Variants in NUP214 observed in about 807,000 individuals in gnomAD.
NUP214 encodes nucleoporin 214, also known as nuclear pore complex protein Nup214.
A neutral mutation model predicts 196.2 loss-of-function variants in NUP214; 79 were observed. The ratio of observed to expected loss-of-function variants is 0.40; its 90% CI spans 0.34 to 0.49. NUP214 has a LOEUF of 0.49. NUP214 is among the 20% of genes least tolerant of loss of function. The pLI, the probability that NUP214 is intolerant of heterozygous loss-of-function variation, is 0.58. For synonymous variants in NUP214, 1,020 were observed against 990.5 expected, an observed-to-expected ratio of 1.03 and a Z score of -0.56; for missense variants, 2,468 against 2,539.0, an observed-to-expected ratio of 0.97 and a Z score of 0.60.
intron 18 of NUP214, among the ~76,000 whole-genome samples, chr9:131,161,259 CTTTT>C (rs34588166): frequency 1.7e-4 from 23 of 136,184 alleles, no homozygotes; most frequent in Non-Finnish European, 3.2e-4. Context: ...ATTGAAATGC[CTTTT>C]TTTTTTTTTT....
intron 7 of NUP214, among the ~76,000 whole-genome samples, chr9:131,134,677 G>T (rs530515094): frequency 1.7e-4 from 26 of 152,128 alleles, no homozygotes; most frequent in Non-Finnish European, 1.2e-4. Context: ...TGCATGTCTC[G>T]TGGGCAGAAA....
At chr9:131,153,658 T>C (rs1176648827) in intron 17 of NUP214, among the ~76,000 whole-genome samples, 1 of 152,250 alleles carries the variant, frequency 6.6e-6, no homozygotes, top group Non-Finnish European at 1.5e-5. Context: ...GCTAAGTAGA[T>C]AATACTAGTT....
intron 3 of NUP214, among the ~76,000 whole-genome samples, chr9:131,129,044 C>T (rs927581858): frequency 6.6e-6 from 1 of 152,166 alleles, no homozygotes; most frequent in Non-Finnish European, 1.5e-5. Flanking sequence ...ATTGTGCATT[C>T]CCCTTCTGAG....
chr9:131,139,430 T>C (rs769509145), intron 10 of NUP214, 23 bp downstream of exon 10: 2 of 1,600,296 alleles, frequency 1.2e-6, no homozygotes, highest in Admixed American at 3.5e-5. Flanking sequence ...TGGTAGTTAG[T>C]GCAGAAATAG....
chr9:131,199,574 A>G (rs1833889777), intron 29 of NUP214, among the ~76,000 whole-genome samples: 1 of 152,202 alleles, frequency 6.6e-6, no homozygotes, highest in African/African-American at 2.4e-5. Context: ...GACTTTTTGT[A>G]AAAACTACAG....
chr9:131,161,141 T>C (rs1355816997), intron 18 of NUP214, among the ~76,000 whole-genome samples: 1 of 152,234 alleles, frequency 6.6e-6, no homozygotes, highest in Middle Eastern at 3.2e-3. Context: ...TACTTATGCT[T>C]TTCTGAGTTC....
At chr9:131,128,030 G>A (rs964927116) in intron 2 of NUP214, among the ~76,000 whole-genome samples, 4 of 152,140 alleles carry the variant, frequency 2.6e-5, no homozygotes, top group African/African-American at 4.8e-5. Context: ...TTTTCAGTTG[G>A]CACAACAGTA....
Position 131,125,991 on chromosome 9 carries a change from T to G in NUP214, c.45+242T>G. ...TTACCCTAGCTACTTCCTGGGGCGG[T>G]CACAATAGTGGCAATAACTGCTGTT... On this transcript the variant is annotated intron_variant, in intron 1 of 35. Transcript: ENST00000359428. The surrounding 1 kb of genome is among the most constrained non-coding windows in gnomAD (Gnocchi z 4.1). 2 of 557,514 alleles carry G rather than the reference T, an allele frequency of 3.6e-6. No homozygotes were observed. The highest frequency in any genetic ancestry group is 6.3e-6 in the Non-Finnish European group (2 of 317,350). The allele number at this position is 557,514 out of a possible 1,614,324, so 34.5% of individuals were successfully genotyped here.
intron 24 of NUP214, among the ~76,000 whole-genome samples, chr9:131,181,581 GCTGGTGATATTGAGCATCTTTTCACGT>G (rs1833279363): frequency 6.6e-6 from 1 of 152,126 alleles, no homozygotes; most frequent in Admixed American, 6.5e-5. Context: ...TTCCCTAATG[GCTGGTGATATTGAGCATCTTTTCACGT>G]GCTTATTGGC....
At chr9:131,135,232 C>G (rs1831686044) in intron 8 of NUP214, 1 of 459,740 alleles carries the variant, frequency 2.2e-6, no homozygotes, top group South Asian at 4.7e-5. Context: ...ACTACAAGCA[C>G]ATGCCACCAC....
At chr9:131,130,713 T>TA in intron 4 of NUP214, 53 bp from the exon 5 acceptor site, 1 of 1,478,210 alleles carries the variant, frequency 6.8e-7, no homozygotes, top group South Asian at 1.1e-5. Context: ...TGATAGATCT[T>TA]ATTGGTTTGC....
Position 131,151,769 on chromosome 9 carries a change from A to G in NUP214, c.2311A>G (p.Thr771Ala), listed in dbSNP as rs775557452. 6 of 1,612,978 alleles carry G rather than the reference A, an allele frequency of 3.7e-6. No individual in the cohort carries two copies. In the Admixed American group the frequency reaches 8.4e-5, roughly 22 times the overall value. The part of the protein sequence containing the change: ...LHGDISSLKT[T>A]LLEGFAGVEE... ...TGGAGATATAAGTAGCCTGAAAACA[A>G]CTTTACTTGAGGGCTTTGCTGGTGT... is the stretch of plus-strand genomic sequence containing the variant. The change falls in exon 17 of 36, where the codon ACT becomes GCT. Residue 771 changes from threonine (T) to alanine (A), a missense_variant. By Grantham distance (58) the Thr-to-Ala change is moderately conservative. Coordinates refer to ENST00000359428, the MANE Select transcript of NUP214 (RefSeq NM_005085.4).
intron 21 of NUP214, 140 bp from the exon 22 acceptor site, chr9:131,173,915 A>G (rs1833026227): frequency 8.9e-7 from 1 of 1,121,818 alleles, no homozygotes; most frequent in African/African-American, 1.6e-5. Context: ...ATTTGACAAT[A>G]CCTGCTCCCA....
chr9:131,174,897 C>G (rs191785553), intron 22 of NUP214, among the ~76,000 whole-genome samples: 4 of 152,306 alleles, frequency 2.6e-5, no homozygotes, highest in Admixed American at 2.0e-4. Flanking sequence ...TCTGCTGAGC[C>G]AGCTTGTTTT....
rs147316462 is a variant in NUP214, at chr9:131,174,212, C to G, written c.3051C>G (p.Pro1017=). Reference sequence around the variant, plus strand: ...TGGTTCAGGCCCCTCGGCACGCCCCCGTGGTTCGCACTCCTTCCATCCAGC... The same window carrying G: ...TGGTTCAGGCCCCTCGGCACGCCCCGGTGGTTCGCACTCCTTCCATCCAGC... ...EAVVQAPRHA[P]VVRTPSIQPS... Residue 1017 remains proline, a synonymous_variant, in exon 22 of 36, where the codon CCC becomes CCG. Transcript: ENST00000359428. 7 of 1,613,810 alleles carry G rather than the reference C, an allele frequency of 4.3e-6. No homozygotes were observed. The highest frequency in any genetic ancestry group is 5.9e-6 in the Non-Finnish European group (7 of 1,179,990).
At chr9:131,163,807 C>T (rs940506419) in intron 19 of NUP214, 63 bp from the exon 20 acceptor site, 37 of 1,183,804 alleles carry the variant, frequency 3.1e-5, no homozygotes, top group Non-Finnish European at 4.5e-5. Context: ...GGATAGTGTA[C>T]CCCCGACAGC....
At chr9:131,138,224 C>T (rs1831798115) in intron 9 of NUP214, among the ~76,000 whole-genome samples, 1 of 151,166 alleles carries the variant, frequency 6.6e-6, no homozygotes, top group Admixed American at 6.6e-5. Flanking sequence ...CTCTCCTCCC[C>T]TCCGCTCTCC....
rs754041990 is a variant in NUP214 at position 131,232,193 on chromosome 9, A to G, written c.6215-91A>G. 7.2e-6 allele frequency: 10 copies of G among 1,395,126 alleles called. No homozygotes were observed. Among genetic ancestry groups the G allele is most frequent in the Non-Finnish European group, 1.0e-5 (10 of 980,430 alleles). The allele number at this position is 1,395,126 out of a possible 1,614,324, so 86.4% of individuals were successfully genotyped here. ...GAGGCACGGAGGGCTTCCCACAAGAAGCACAGAGGAGGGCAGACACTTAGC... is the reference window on the plus strand; with the variant it reads ...GAGGCACGGAGGGCTTCCCACAAGAGGCACAGAGGAGGGCAGACACTTAGC... On this transcript the variant is annotated intron_variant, in intron 34 of 35. Coordinates refer to ENST00000359428, the MANE Select transcript of NUP214 (RefSeq NM_005085.4). The surrounding 1 kb of genome is among the most constrained non-coding windows in gnomAD (Gnocchi z 5.1).
At position 131,125,781 on chromosome 9, in the gene NUP214, T is replaced by C; in HGVS notation, c.45+32T>C. ...GACTAACCGGGGCCTCCCTCCCTTCTTTAGTCCTGGCGTTGCCTTGGAGCC... is the reference window on the plus strand; with the variant it reads ...GACTAACCGGGGCCTCCCTCCCTTCCTTAGTCCTGGCGTTGCCTTGGAGCC... On this transcript the variant is annotated intron_variant, in intron 1 of 35. Coordinates refer to ENST00000359428, the MANE Select transcript of NUP214 (RefSeq NM_005085.4). The surrounding 1 kb of genome is among the most constrained non-coding windows in gnomAD (Gnocchi z 4.1). 6.5e-7 allele frequency: 1 copy of C among 1,550,016 alleles called. No homozygotes were observed. Among genetic ancestry groups the C allele is most frequent in the Non-Finnish European group, 8.7e-7 (1 of 1,146,050 alleles).
Sources: allele counts gnomAD v4.1 joint callset (sites outside exome capture counted in the v4.1 genomes callset), GRCh38; gene constraint gnomAD v4.1.1; non-coding constraint Gnocchi (gnomAD v3.1); transcripts MANE v1.5; gene names NCBI Gene and HGNC (gene_info 2026-07-23, HGNC 2026-07-21).